The following BST1 variants were observed in gnomAD, a reference collection of about 807,000 sequenced individuals.
The protein encoded by BST1 is bone marrow stromal cell antigen 1.
BST1 carries 49 observed loss-of-function variants against 40.6 expected under a neutral mutation model. The observed-to-expected ratio is 1.21, with a 90% confidence interval of 0.96 to 1.53. The LOEUF (loss-of-function observed/expected upper bound fraction) is 1.53. BST1 is among the 40% of genes most tolerant of loss of function. The pLI, the probability that BST1 is intolerant of heterozygous loss-of-function variation, is 0.00. For synonymous variants in BST1, 157 were observed against 159.3 expected, an observed-to-expected ratio of 0.99 and a Z score of 0.11; for missense variants, 423 against 395.9, an observed-to-expected ratio of 1.07 and a Z score of -0.58.
At chr4:15,724,182 C>T (rs1577589030) in intron 8 of BST1, among the ~76,000 whole-genome samples, 1 of 152,300 alleles carries the variant, frequency 6.6e-6, no homozygotes. Context: ...TCATTCTGTA[C>T]CATCTGCCTG....
chr4:15,731,532 C>T (rs1054672289), intron 8 of BST1: 11 of 1,044,028 alleles, frequency 1.1e-5, no homozygotes, highest in African/African-American at 1.6e-5. Flanking sequence ...TCTGCAACTC[C>T]ACCATCTCCA....
At chr4:15,707,711 G>T in intron 3 of BST1, 65 bp downstream of exon 3, 1 of 1,574,730 alleles carries the variant, frequency 6.4e-7, no homozygotes, top group South Asian at 1.1e-5. Context: ...TACCATTTGT[G>T]CTAAATGCTT....
In BST1 at chr4:15,711,805, A is replaced by G; in HGVS notation, c.452-2A>G. On this transcript the variant is annotated splice_acceptor_variant, in intron 3 of 8. Coordinates refer to ENST00000265016, the MANE Select transcript of BST1 (RefSeq NM_004334.3). LOFTEE classifies it high-confidence loss of function. Reference sequence around the variant, plus strand: ...AAATGTGTTTGTCTACTTACCCCTTAGGACTCGATTACCAATCCTGCCCTA... The same window carrying G: ...AAATGTGTTTGTCTACTTACCCCTTGGGACTCGATTACCAATCCTGCCCTA... 6.2e-7 allele frequency: 1 copy of G among 1,611,896 alleles called. No individual in the cohort carries two copies. The highest frequency in any genetic ancestry group is 8.5e-7 in the Non-Finnish European group (1 of 1,177,964).
At chr4:15,705,382 G>T in intron 1 of BST1, 133 bp from the exon 2 acceptor site, 1 of 1,057,422 alleles carries the variant, frequency 9.5e-7, no homozygotes. Flanking sequence ...ACAATTCGTT[G>T]TCTTTTTTGT....
chr4:15,747,048 CTA>C, the BST1 span, among the ~76,000 whole-genome samples: 9 of 152,264 alleles, frequency 5.9e-5, no homozygotes, highest in East Asian at 1.7e-3. Flanking sequence ...GGGAGAATCA[CTA>C]TGTTATATGC....
At chr4:15,769,086 C>A in the BST1 span, among the ~76,000 whole-genome samples, 1 of 151,774 alleles carries the variant, frequency 6.6e-6, no homozygotes, top group Non-Finnish European at 1.5e-5. Flanking sequence ...AAAAAAAAAA[C>A]AAGAATTATG....
chr4:15,738,726 C>T (rs915580403), downstream of BST1, among the ~76,000 whole-genome samples: 1 of 152,178 alleles, frequency 6.6e-6, no homozygotes, highest in Non-Finnish European at 1.5e-5. Flanking sequence ...GTTATGGCCA[C>T]CCTGGTAAGC....
At chr4:15,726,139 T>TG (rs58165080) in intron 8 of BST1, among the ~76,000 whole-genome samples, 12,795 of 143,884 alleles carry the variant, frequency 0.089, 775 homozygotes, top group Non-Finnish European at 0.13. Context: ...TTTTAAAGTT[T>TG]TTTTTTTTTT....
intron 7 of BST1, among the ~76,000 whole-genome samples, chr4:15,719,599 C>T (rs1577582889): frequency 6.6e-6 from 1 of 152,186 alleles, no homozygotes; most frequent in Non-Finnish European, 1.5e-5. Context: ...TGCCCCAGCC[C>T]CTAAGACTGT....
intron 3 of BST1, among the ~76,000 whole-genome samples, chr4:15,709,983 T>C (rs577298739): frequency 9.9e-5 from 15 of 152,124 alleles, no homozygotes; most frequent in African/African-American, 3.1e-4. Context: ...AAATCATTAT[T>C]ATTTTTTGAG....
At chr4:15,742,153 T>G (rs963074372), downstream of BST1, among the ~76,000 whole-genome samples, 30 of 152,352 alleles carry the variant, frequency 2.0e-4, no homozygotes, top group African/African-American at 6.7e-4. Context: ...CAGATTAAGT[T>G]TGCTATGGTT....
chr4:15,734,849 G>A (rs16892304), downstream of BST1, among the ~76,000 whole-genome samples: 4,672 of 152,292 alleles, frequency 0.031, 242 homozygotes, highest in East Asian at 0.26. Flanking sequence ...GTCGGACACT[G>A]CCACAGGGAG....
intron 4 of BST1, among the ~76,000 whole-genome samples, chr4:15,712,105 T>C (rs978961738): frequency 2.0e-5 from 3 of 152,084 alleles, no homozygotes; most frequent in Admixed American, 2.0e-4. Flanking sequence ...GAGAAAACAT[T>C]CTGTAAATGT....
chr4:15,713,425 C>T (rs1016630682), intron 4 of BST1, among the ~76,000 whole-genome samples: 1 of 151,890 alleles, frequency 6.6e-6, no homozygotes, highest in Non-Finnish European at 1.5e-5. Flanking sequence ...ACCTCATAAT[C>T]CACCCGCCTC....
chr4:15,739,554 C>CGTGTGTGTGT (rs58171340), downstream of BST1, among the ~76,000 whole-genome samples: 2,053 of 144,026 alleles, frequency 0.014, 28 homozygotes, highest in Admixed American at 0.015. Flanking sequence ...GAAGCCAAAC[C>CGTGTGTGTGT]GTGTGTGTGT....
the BST1 span, among the ~76,000 whole-genome samples, chr4:15,770,733 G>A: frequency 1.4e-5 from 2 of 146,400 alleles, no homozygotes; most frequent in African/African-American, 2.5e-5. Context: ...ACACCACTCC[G>A]ATTCCTTCTG....
the BST1 span, among the ~76,000 whole-genome samples, chr4:15,766,662 C>G: frequency 6.6e-6 from 1 of 151,616 alleles, no homozygotes; most frequent in African/African-American, 2.4e-5. Flanking sequence ...CAGGTGTGAT[C>G]TGTGTGGCAT....
the BST1 span, among the ~76,000 whole-genome samples, chr4:15,765,099 A>G: frequency 2.6e-5 from 4 of 151,770 alleles, no homozygotes; most frequent in Non-Finnish European, 4.4e-5. Flanking sequence ...GAACAAGTTA[A>G]CCTTTGTGGA....
At chr4:15,768,582 T>C in the BST1 span, among the ~76,000 whole-genome samples, 1 of 149,948 alleles carries the variant, frequency 6.7e-6, no homozygotes, top group Admixed American at 6.7e-5. Context: ...CAAGCTCCGC[T>C]TCCCGGGTTC....
Sources: allele counts gnomAD v4.1 joint callset (sites outside exome capture counted in the v4.1 genomes callset), GRCh38; gene constraint gnomAD v4.1.1; transcripts MANE v1.5; gene names NCBI Gene and HGNC (gene_info 2026-07-23, HGNC 2026-07-21).